The following PLCB4 variants were observed in gnomAD, a reference collection of about 807,000 sequenced individuals.
PLCB4 encodes the protein 1-phosphatidylinositol 4,5-bisphosphate phosphodiesterase beta-4.
A neutral mutation model predicts 178.8 loss-of-function variants in PLCB4; 77 were observed. The observed-to-expected ratio is 0.43, with a 90% CI of 0.36 to 0.52. The LOEUF is 0.52. PLCB4 is among the 20% of genes least tolerant of loss of function. PLCB4 has a pLI of 0.00. For synonymous variants in PLCB4, 496 were observed against 490.8 expected, an observed-to-expected ratio of 1.01 and a Z score of -0.14; for missense variants, 1,024 against 1,453.4, an observed-to-expected ratio of 0.70 and a Z score of 4.80.
intron 2 of PLCB4, among the ~76,000 whole-genome samples, chr20:9,185,655 C>G (rs2093319054): frequency 1.3e-5 from 2 of 152,194 alleles, no homozygotes; most frequent in Admixed American, 1.3e-4. Context: ...CCTCATCTGA[C>G]TCCGAGTAAA....
chr20:9,408,215 G>T (rs946781578), intron 22 of PLCB4, among the ~76,000 whole-genome samples, 157 bp downstream of exon 22: 24 of 152,108 alleles, frequency 1.6e-4, no homozygotes, highest in African/African-American at 5.8e-4. Flanking sequence ...AGCCACCTTG[G>T]TATGTGGTGA....
At chr20:9,317,276 C>T (rs1308276945) in intron 4 of PLCB4, among the ~76,000 whole-genome samples, 1 of 152,118 alleles carries the variant, frequency 6.6e-6, no homozygotes, top group Non-Finnish European at 1.5e-5. Context: ...TTAATTTAGT[C>T]ACCCTCTATT....
intron 3 of PLCB4, among the ~76,000 whole-genome samples, chr20:9,306,645 A>G (rs2051991839): frequency 6.6e-6 from 1 of 151,868 alleles, no homozygotes; most frequent in Non-Finnish European, 1.5e-5. Context: ...TGTAAGTTTT[A>G]CTTGATGTGT....
At chr20:9,149,396 C>G (rs753899001) in intron 2 of PLCB4, among the ~76,000 whole-genome samples, 17 of 152,290 alleles carry the variant, frequency 1.1e-4, no homozygotes, top group Non-Finnish European at 2.1e-4. Flanking sequence ...GTCAGTCATT[C>G]TCACATCTGT....
intron 2 of PLCB4, among the ~76,000 whole-genome samples, chr20:9,143,530 T>C: frequency 6.6e-6 from 1 of 152,152 alleles, no homozygotes; most frequent in South Asian, 2.1e-4. Context: ...GTTTCAGTAC[T>C]AAATGTAACA....
intron 2 of PLCB4, among the ~76,000 whole-genome samples, chr20:9,200,552 T>C (rs550672201): frequency 6.6e-6 from 1 of 152,376 alleles, no homozygotes; most frequent in South Asian, 2.1e-4. Context: ...TCCCATTTAA[T>C]TGAAAATCAG....
chr20:9,144,936 C>T (rs2092570613), intron 2 of PLCB4, among the ~76,000 whole-genome samples: 1 of 152,112 alleles, frequency 6.6e-6, no homozygotes, highest in African/African-American at 2.4e-5. Flanking sequence ...AGTGGCAGAG[C>T]TATTTTCCTA....
intron 38 of PLCB4, among the ~76,000 whole-genome samples, chr20:9,476,069 A>T (rs2044521445): frequency 6.6e-6 from 1 of 152,144 alleles, no homozygotes. Flanking sequence ...CGGTGTCCCA[A>T]ATCTCCCCTT....
chr20:9,338,176 C>A, intron 6 of PLCB4, 109 bp downstream of exon 6: 1 of 715,868 alleles, frequency 1.4e-6, no homozygotes, highest in Non-Finnish European at 2.5e-6. Flanking sequence ...CTACTTAAAA[C>A]ATTTGATCTC....
chr20:9,225,106 C>A (rs1190824377), intron 3 of PLCB4, among the ~76,000 whole-genome samples: 1 of 152,004 alleles, frequency 6.6e-6, no homozygotes, highest in Admixed American at 6.6e-5. Flanking sequence ...GAATGAAGGG[C>A]TAGATATTCA....
intron 2 of PLCB4, among the ~76,000 whole-genome samples, chr20:9,136,476 C>T (rs2092386104): frequency 6.6e-6 from 1 of 152,058 alleles, no homozygotes; most frequent in Non-Finnish European, 1.5e-5. Context: ...TATTTATTTA[C>T]CAGCTCCTAG....
At position 9,479,031 on chromosome 20, in the gene PLCB4, C is replaced by A; in HGVS notation, c.*22C>A. On this transcript the variant is annotated 3_prime_UTR_variant, in exon 40 of 40. Coordinates refer to ENST00000378473, the MANE Select transcript of PLCB4 (RefSeq NM_001377142.1). ...CTGAAGCAGCAAACCCACAAAGCAT[C>A]AAAAGACTCACTCACAAACTTCTGA... 1 of 1,543,718 alleles carries A rather than the reference C, an allele frequency of 6.5e-7. No homozygotes were observed.
At chr20:9,111,140 C>G (rs1404981427) in intron 2 of PLCB4, among the ~76,000 whole-genome samples, 1 of 152,136 alleles carries the variant, frequency 6.6e-6, no homozygotes, top group African/African-American at 2.4e-5. Context: ...CAGACACCCC[C>G]CTCAGGGATG....
intron 3 of PLCB4, among the ~76,000 whole-genome samples, chr20:9,236,449 T>G (rs2093994195): frequency 6.6e-6 from 1 of 152,216 alleles, no homozygotes; most frequent in Non-Finnish European, 1.5e-5. Flanking sequence ...TGCGTGTGTT[T>G]TTTTGCAAAT....
At chr20:9,333,589 A>G (rs2032013778) in intron 4 of PLCB4, among the ~76,000 whole-genome samples, 1 of 152,186 alleles carries the variant, frequency 6.6e-6, no homozygotes, top group Non-Finnish European at 1.5e-5. Context: ...TTGGGATTTT[A>G]TCCTAAATAT....
Position 9,302,597 on chromosome 20 carries a change from C to T in PLCB4, c.-15-5203C>T, listed in dbSNP as rs148616941. Among the ~76,000 whole-genome samples the T allele has an allele frequency of 3.4e-4, 52 of 152,230 alleles. 2 individuals carry two copies. Among genetic ancestry groups the T allele is most frequent in the Middle Eastern group, 3.4e-3 (1 of 294 alleles). ...TCTTACCTTGTTCTGAACCCCAATGCTATGAAGGAATAAGCAATGAAATGA... is the reference window on the plus strand; with the variant it reads ...TCTTACCTTGTTCTGAACCCCAATGTTATGAAGGAATAAGCAATGAAATGA... On this transcript the variant is annotated intron_variant, in intron 3 of 39. Coordinates refer to ENST00000378473, the MANE Select transcript of PLCB4 (RefSeq NM_001377142.1).
chr20:9,207,551 C>G (rs1413505569), intron 2 of PLCB4, among the ~76,000 whole-genome samples: 1 of 152,250 alleles, frequency 6.6e-6, no homozygotes, highest in Non-Finnish European at 1.5e-5. Context: ...CATGGTTTCT[C>G]AGGGTCTGTG....
intron 3 of PLCB4, among the ~76,000 whole-genome samples, chr20:9,242,763 T>C (rs572440117): frequency 6.6e-6 from 1 of 152,294 alleles, no homozygotes; most frequent in Admixed American, 6.5e-5. Flanking sequence ...AGTATCCATG[T>C]CACCTGACAA....
chr20:9,357,198 A>T (rs985260715), intron 7 of PLCB4, among the ~76,000 whole-genome samples: 2 of 152,218 alleles, frequency 1.3e-5, no homozygotes, highest in Non-Finnish European at 2.9e-5. Flanking sequence ...AGAAGTTCCC[A>T]TGTTTTAAAT....
Sources: gnomAD v4.1 joint callset for allele counts (sites outside exome capture counted in the v4.1 genomes callset) on GRCh38, gnomAD v4.1.1 for gene constraint, MANE v1.5 for transcripts, NCBI Gene and HGNC (gene_info 2026-07-23, HGNC 2026-07-21) for gene names.